The following TMEM131 variants were observed in gnomAD, a reference collection of about 807,000 sequenced individuals.
TMEM131 encodes 2610524E03Rik.
TMEM131 carries 66 observed loss-of-function variants against 211.6 expected under a neutral mutation model. The ratio of observed to expected loss-of-function variants is 0.31; its 90% CI spans 0.26 to 0.38. The LOEUF is 0.38. Among genes scored for constraint, TMEM131 ranks in the 10% least tolerant of loss-of-function variants. The pLI is 1.00. For synonymous variants in TMEM131, 844 were observed against 841.3 expected (o/e 1.00, Z -0.06); for missense variants, 2,036 against 2,299.3 (o/e 0.89, Z 2.34).
intron 7 of TMEM131, among the ~76,000 whole-genome samples, chr2:97,838,197 C>T (rs1165206257): frequency 1.3e-5 from 2 of 152,104 alleles, no homozygotes; most frequent in Admixed American, 1.3e-4. Context: ...CATCTGCTTT[C>T]CTTTCTTTTG....
At chr2:97,983,570 T>A (rs890036330) in intron 1 of TMEM131, among the ~76,000 whole-genome samples, 1 of 152,122 alleles carries the variant, frequency 6.6e-6, no homozygotes, top group African/African-American at 2.4e-5. Context: ...CTGAAGCCTG[T>A]CAGTAACAAC....
chr2:97,859,532 T>C (rs1340188054), intron 4 of TMEM131, 105 bp from the exon 5 acceptor site: 2 of 918,210 alleles, frequency 2.2e-6, no homozygotes, highest in Non-Finnish European at 3.1e-6. Flanking sequence ...CATAGCTAAA[T>C]ATATTAAAAT....
chr2:97,877,303 G>A (rs1674738178), intron 4 of TMEM131, among the ~76,000 whole-genome samples: 1 of 152,166 alleles, frequency 6.6e-6, no homozygotes, highest in African/African-American at 2.4e-5. Context: ...TAGATTCACT[G>A]CTATCCCCAA....
In TMEM131 at chr2:97,923,350, T is replaced by C. The variant is rs1287652986; in HGVS notation, c.249+4076A>G. Among the ~76,000 whole-genome samples the C allele has an allele frequency of 4.6e-5, 7 of 151,868 alleles. No individual in the cohort carries two copies. The East Asian group carries it at 1.4e-3, about 29-fold the overall frequency. On this transcript the variant is annotated intron_variant, in intron 2 of 40. Coordinates refer to ENST00000186436, the MANE Select transcript of TMEM131 (RefSeq NM_015348.2). ...TTAAAAGACAAAATTCTGCCAGGCA[T>C]AGTGGCTCAGGTCTATAATCCTAGC...
intron 1 of TMEM131, among the ~76,000 whole-genome samples, chr2:97,931,828 C>G (rs1677231882): frequency 6.6e-6 from 1 of 152,202 alleles, no homozygotes; most frequent in Non-Finnish European, 1.5e-5. Flanking sequence ...GCCTAGCATG[C>G]TGTTGTTATG....
chr2:97,822,786 A>C (rs886554959), intron 11 of TMEM131, among the ~76,000 whole-genome samples: 3 of 152,108 alleles, frequency 2.0e-5, no homozygotes, highest in Non-Finnish European at 2.9e-5. Flanking sequence ...GGAAACAAAC[A>C]AACCAAAACC....
At chr2:97,770,656 G>A (rs1487360586) in intron 33 of TMEM131, among the ~76,000 whole-genome samples, 7 of 152,182 alleles carry the variant, frequency 4.6e-5, no homozygotes, top group Non-Finnish European at 8.8e-5. Context: ...TACAATGTAA[G>A]TCAGTGGAAC....
At chr2:97,855,356 C>CT (rs1217727626) in intron 5 of TMEM131, among the ~76,000 whole-genome samples, 2 of 152,196 alleles carry the variant, frequency 1.3e-5, no homozygotes, top group Non-Finnish European at 2.9e-5. Flanking sequence ...TATTCCGGCT[C>CT]TTATTAATAT....
intron 1 of TMEM131, among the ~76,000 whole-genome samples, chr2:97,986,369 G>A (rs1680028437): frequency 6.6e-6 from 1 of 152,044 alleles, no homozygotes; most frequent in African/African-American, 2.4e-5. Flanking sequence ...AGAGAGATGA[G>A]GAAGGAACAG....
chr2:97,791,795 A>G (rs1680509779), intron 31 of TMEM131, among the ~76,000 whole-genome samples: 1 of 152,222 alleles, frequency 6.6e-6, no homozygotes. Flanking sequence ...GCAGAACTCT[A>G]AAGCAGGGTT....
At chr2:97,935,662 AAAAAAAG>A (rs1677411425) in intron 1 of TMEM131, among the ~76,000 whole-genome samples, 2 of 152,198 alleles carry the variant, frequency 1.3e-5, no homozygotes, top group African/African-American at 4.8e-5. Flanking sequence ...CAGAAGAAGA[AAAAAAAG>A]CAACAGAGGT....
chr2:97,947,155 T>A (rs1223857514), intron 1 of TMEM131, among the ~76,000 whole-genome samples: 1 of 151,968 alleles, frequency 6.6e-6, no homozygotes, highest in African/African-American at 2.4e-5. Flanking sequence ...TAGAACAAGG[T>A]AAGATTGTTC....
chr2:97,913,810 T>G (rs1320359807), intron 2 of TMEM131, among the ~76,000 whole-genome samples: 1 of 152,166 alleles, frequency 6.6e-6, no homozygotes, highest in Non-Finnish European at 1.5e-5. Flanking sequence ...AGGCAGCACA[T>G]GCACACAAAC....
chr2:97,800,839 G>C (rs1681000229), intron 25 of TMEM131, among the ~76,000 whole-genome samples: 1 of 152,086 alleles, frequency 6.6e-6, no homozygotes, highest in Non-Finnish European at 1.5e-5. Context: ...AATAACATTT[G>C]TTACTTTGGC....
rs1348930953 is a variant in TMEM131 at position 97,908,705 on chromosome 2, A to C, written c.250-7T>G. 1.2e-6 allele frequency: 2 copies of C among 1,603,862 alleles called. No individual in the cohort carries two copies. The highest frequency in any genetic ancestry group is 1.7e-5 in the Admixed American group (1 of 59,676). On this transcript the variant is annotated splice_polypyrimidine_tract_variant and splice_region_variant and intron_variant, in intron 2 of 40. Coordinates refer to ENST00000186436, the MANE Select transcript of TMEM131 (RefSeq NM_015348.2). The stretch of plus-strand genomic sequence containing the variant: ...GTCCAAGTGTTGTCTCGGTCTGTAA[A>C]AGGAATAAAATAATGATTAAAAAAC...
At chr2:97,824,899 A>T (rs13004862) in intron 11 of TMEM131, among the ~76,000 whole-genome samples, 41,672 of 152,080 alleles carry the variant, frequency 0.27, 6,269 homozygotes, top group Middle Eastern at 0.37. Context: ...GAGATCTTAG[A>T]CTAGTGCAAG....
intron 1 of TMEM131, among the ~76,000 whole-genome samples, chr2:97,968,811 A>G (rs1679169732): frequency 6.6e-6 from 1 of 152,128 alleles, no homozygotes; most frequent in Non-Finnish European, 1.5e-5. Context: ...GGGCAGGCGC[A>G]CTGGTTCTTG....
At chr2:97,841,579 C>T (rs1257404555) in intron 7 of TMEM131, among the ~76,000 whole-genome samples, 1 of 152,066 alleles carries the variant, frequency 6.6e-6, no homozygotes, top group Admixed American at 6.6e-5. Flanking sequence ...AAGACACAGT[C>T]GTTTTAAAAA....
At chr2:97,760,543 G>A (rs539853177) in intron 38 of TMEM131, 50 bp downstream of exon 38, 97 of 1,536,120 alleles carry the variant, frequency 6.3e-5, no homozygotes, top group Non-Finnish European at 7.5e-5. Context: ...GTGCTAACCC[G>A]ACTTGAGAAG....
Sources: gnomAD v4.1 joint callset for allele counts (sites outside exome capture counted in the v4.1 genomes callset) on GRCh38, gnomAD v4.1.1 for gene constraint, MANE v1.5 for transcripts, NCBI Gene and HGNC (gene_info 2026-07-23, HGNC 2026-07-21) for gene names.